Variants in SPATS1 observed in about 807,000 individuals in gnomAD.
SPATS1 encodes spermatogenesis associated serine rich 1, also known as spermatogenesis-associated serine-rich protein 1.
In SPATS1, 23 loss-of-function variants were observed where a neutral mutation model predicts 33.6. The observed-to-expected ratio is 0.68, with a 90% confidence interval of 0.49 to 0.97. The LOEUF is 0.97. Among genes scored for constraint, SPATS1 ranks in the 50% least tolerant of loss-of-function variants. SPATS1 has a pLI of 0.00. For synonymous variants in SPATS1, 131 were observed against 125.6 expected (o/e 1.04, Z -0.29); for missense variants, 327 against 361.0 (o/e 0.91, Z 0.76).
chr6:44,370,122 T>C lies in SPATS1; in HGVS notation c.758+9T>C, dbSNP rs1371087422. ...CTTCCACAAATTCCCAAGTGAGTTC[T>C]CTTGTCATGTTTTGTGTTATCCCAT... On this transcript the variant is annotated intron_variant, in intron 7 of 8. Transcript: ENST00000674044. The C allele has an allele frequency of 1.9e-6, 3 of 1,606,654 alleles. No individual in the cohort carries two copies. Among genetic ancestry groups the C allele is most frequent in the Non-Finnish European group, 2.6e-6 (3 of 1,173,942 alleles).
At chr6:44,347,936 ATTTC>A (rs886646202) in intron 2 of SPATS1, among the ~76,000 whole-genome samples, 20 of 151,698 alleles carry the variant, frequency 1.3e-4, no homozygotes, top group African/African-American at 4.6e-4. Flanking sequence ...CTGGAGCTTA[ATTTC>A]TTTATCTGTA....
chr6:44,371,314 A>G (rs1418041371), intron 7 of SPATS1, among the ~76,000 whole-genome samples: 1 of 152,064 alleles, frequency 6.6e-6, no homozygotes, highest in South Asian at 2.1e-4. Context: ...AAAAAAAAAA[A>G]AAGAGAGAGA....
At chr6:44,352,999 A>G in intron 3 of SPATS1, 126 bp downstream of exon 3, 1 of 1,012,276 alleles carries the variant, frequency 9.9e-7, no homozygotes, top group South Asian at 1.7e-5. Flanking sequence ...GTGTGGGTTC[A>G]AATCCCGGTT....
chr6:44,363,427 G>A (rs1196361977), intron 5 of SPATS1, among the ~76,000 whole-genome samples: 1 of 152,190 alleles, frequency 6.6e-6, no homozygotes. Context: ...TTACAGGTGT[G>A]AGCCACTGCA....
intron 6 of SPATS1, among the ~76,000 whole-genome samples, chr6:44,369,323 G>T (rs1789453537): frequency 6.6e-6 from 1 of 152,022 alleles, no homozygotes; most frequent in Non-Finnish European, 1.5e-5. Context: ...GTGGGGTGGG[G>T]TGGATCGCCT....
In SPATS1 at chr6:44,379,286, TA is replaced by T. The variant is rs1201704764; in HGVS notation, c.*2226del. On this transcript the variant is annotated 3_prime_UTR_variant, in exon 9 of 9. Coordinates refer to ENST00000674044, the MANE Select transcript of SPATS1 (RefSeq NM_001372081.1). ...TTTGGAAGGAGGGAGTCCTACACCATAAATATATTAAGGAAAACAACCGGCT... is the reference window on the plus strand; with the variant it reads ...TTTGGAAGGAGGGAGTCCTACACCATAATATATTAAGGAAAACAACCGGCT... Among the ~76,000 whole-genome samples the T allele has an allele frequency of 2.0e-5, 3 of 151,994 alleles. No individual in the cohort carries two copies. Among genetic ancestry groups the T allele is most frequent in the South Asian group, 2.1e-4 (1 of 4,822 alleles).
intron 3 of SPATS1, among the ~76,000 whole-genome samples, chr6:44,354,647 T>G (rs1206670545): frequency 1.3e-5 from 2 of 152,080 alleles, no homozygotes; most frequent in Non-Finnish European, 2.9e-5. Flanking sequence ...TCCCCCACTA[T>G]CACATCCTGC....
At position 44,376,572 on chromosome 6, in the gene SPATS1, C is replaced by T. The variant is rs780514210; in HGVS notation, c.874+99C>T. ...ATCCCAGCACTTTGGGAGGCCGAGG[C>T]GGGCAGATCACAAGGTCAGGAGTTC... On this transcript the variant is annotated intron_variant, in intron 8 of 8. Transcript: ENST00000674044. 3.4e-4 allele frequency: 259 copies of T among 761,854 alleles called. 1 individual carries two copies. Among genetic ancestry groups the T allele is most frequent in the Non-Finnish European group, 5.2e-4 (245 of 471,128 alleles). 47.2% of individuals were successfully genotyped at this position (761,854 alleles called of 1,614,324 possible).
intron 7 of SPATS1, among the ~76,000 whole-genome samples, chr6:44,370,578 A>G (rs981981554): frequency 6.6e-6 from 1 of 152,146 alleles, no homozygotes; most frequent in Admixed American, 6.5e-5. Context: ...TCTGAACCTC[A>G]CTTATTTACC....
chr6:44,360,545 A>G lies in SPATS1; in HGVS notation c.387A>G (p.Glu129=). 6.2e-7 allele frequency: 1 copy of G among 1,614,188 alleles called. No individual in the cohort carries two copies. The highest frequency in any genetic ancestry group is 8.5e-7 in the Non-Finnish European group (1 of 1,180,014). Residue 129 remains glutamate (E), a synonymous_variant, in exon 4 of 9, where the codon GAA becomes GAG. Transcript: ENST00000674044. ...TCCAAAAGGATAAATATCCTGAGGA[A>G]TTCAGCCTGCTTAAGTTGCAGACGA... is the stretch of plus-strand genomic sequence containing the variant. ...PEVQKDKYPE[E]FSLLKLQTKD...
intron 2 of SPATS1, among the ~76,000 whole-genome samples, chr6:44,351,694 G>A (rs537206558): frequency 3.3e-5 from 5 of 152,172 alleles, no homozygotes; most frequent in South Asian, 2.1e-4. Flanking sequence ...TGAAGATAAT[G>A]GATATTCTTC....
At chr6:44,356,277 G>A (rs549379817) in intron 3 of SPATS1, among the ~76,000 whole-genome samples, 78 of 152,210 alleles carry the variant, frequency 5.1e-4, no homozygotes, top group East Asian at 2.1e-3. Flanking sequence ...CTGAAACACC[G>A]TATAAGTCCA....
chr6:44,348,427 A>G (rs2153365195), intron 2 of SPATS1, among the ~76,000 whole-genome samples: 1 of 149,872 alleles, frequency 6.7e-6, no homozygotes, highest in East Asian at 1.9e-4. Flanking sequence ...ATTCCTTAAA[A>G]TCTTTTCGGG....
chr6:44,346,599 G>A (rs1787899619), intron 2 of SPATS1, among the ~76,000 whole-genome samples: 1 of 152,142 alleles, frequency 6.6e-6, no homozygotes, highest in African/African-American at 2.4e-5. Context: ...GCCTAGGCTG[G>A]TCTTGAACTC....
At chr6:44,376,221 C>T in intron 7 of SPATS1, 137 bp from the exon 8 acceptor site, 3 of 599,058 alleles carry the variant, frequency 5.0e-6, no homozygotes, top group Non-Finnish European at 8.9e-6. Context: ...CGGTGAACAA[C>T]TAACATATTT....
chr6:44,365,694 C>T (rs529870289), intron 5 of SPATS1, among the ~76,000 whole-genome samples: 2 of 152,354 alleles, frequency 1.3e-5, no homozygotes, highest in East Asian at 1.9e-4. Flanking sequence ...TCTACCTAAA[C>T]GCATCGGGGC....
At chr6:44,374,820 CT>C (rs1428134615) in intron 7 of SPATS1, among the ~76,000 whole-genome samples, 1 of 152,156 alleles carries the variant, frequency 6.6e-6, no homozygotes, top group African/African-American at 2.4e-5. Context: ...CTTAGTCCTG[CT>C]TTTCTTATTT....
chr6:44,347,115 A>G (rs759847457), intron 2 of SPATS1, among the ~76,000 whole-genome samples: 36 of 152,220 alleles, frequency 2.4e-4, no homozygotes, highest in Non-Finnish European at 4.1e-4. Flanking sequence ...TCACCAAACT[A>G]ACGCAAAAAT....
rs180745295 is a variant in SPATS1, at chr6:44,379,769, C to T, written c.*2706C>T. ...GATTCCTTTTTCTTTTAATCCAGGC[C>T]GCAAAAACCATGAGTAAAAAAAAAA... On this transcript the variant is annotated 3_prime_UTR_variant, in exon 9 of 9. Coordinates refer to ENST00000674044, the MANE Select transcript of SPATS1 (RefSeq NM_001372081.1). Among the ~76,000 whole-genome samples the T allele has an allele frequency of 1.1e-3, 164 of 149,092 alleles. 1 individual carries two copies. Among genetic ancestry groups the T allele is most frequent in the African/African-American group, 3.9e-3 (157 of 40,774 alleles).
Sources: allele counts gnomAD v4.1 joint callset (sites outside exome capture counted in the v4.1 genomes callset), GRCh38; gene constraint gnomAD v4.1.1; transcripts MANE v1.5; gene names NCBI Gene and HGNC (gene_info 2026-07-23, HGNC 2026-07-21).